Variants in FARP1 observed in about 807,000 individuals in gnomAD.
FARP1 encodes FERM, ARH/RhoGEF and pleckstrin domain protein 1, also known as FERM, ARHGEF and pleckstrin domain-containing protein 1.
Under a neutral mutation model 128.8 loss-of-function variants are expected in FARP1, and 52 were observed. The ratio of observed to expected loss-of-function variants is 0.40; its 90% CI spans 0.32 to 0.51. FARP1 has a LOEUF of 0.51. Ranked by LOEUF, FARP1 falls within the 20% of genes least tolerant of loss-of-function variation. The pLI is 0.45. For synonymous variants in FARP1, 580 were observed against 551.8 expected (o/e 1.05, Z -0.72); for missense variants, 1,333 against 1,367.9 (o/e 0.97, Z 0.40).
chr13:98,344,246 G>A lies in FARP1; in HGVS notation c.276+380G>A, dbSNP rs114335794. Among the ~76,000 whole-genome samples the A allele has an allele frequency of 5.9e-3, 898 of 152,314 alleles. 10 individuals are homozygous for A. The highest frequency in any genetic ancestry group is 0.02 in the African/African-American group (835 of 41,556). ...GTCAAGAAAGCCATCAGGATCTAGC[G>A]ATGAGTCTGGTTGGAGATGGTGCTG... On this transcript the variant is annotated intron_variant, in intron 3 of 26. Coordinates refer to ENST00000319562, the MANE Select transcript of FARP1 (RefSeq NM_005766.4).
At chr13:98,445,778 C>CATCTT (rs1892792868) in intron 24 of FARP1, 6 of 226,386 alleles carry the variant, frequency 2.7e-5, no homozygotes, top group African/African-American at 6.9e-5. Context: ...AGTGTGATCT[C>CATCTT]GTCTTCACTA....
At chr13:98,177,251 C>A in intron 1 of FARP1, 1 of 1,533,234 alleles carries the variant, frequency 6.5e-7, no homozygotes. Context: ...GAGTCTCAGG[C>A]TCCCAACGGC....
chr13:98,224,674 C>T (rs180849894), intron 2 of FARP1, among the ~76,000 whole-genome samples: 1 of 151,954 alleles, frequency 6.6e-6, no homozygotes, highest in Non-Finnish European at 1.5e-5. Flanking sequence ...CATTTGCTGA[C>T]CCCAACCAGA....
intron 4 of FARP1, among the ~76,000 whole-genome samples, chr13:98,366,553 C>T (rs1003424170): frequency 4.6e-5 from 7 of 152,190 alleles, no homozygotes; most frequent in Non-Finnish European, 8.8e-5. Flanking sequence ...ATATCTTTGG[C>T]GCAGACCTGA....
intron 24 of FARP1, among the ~76,000 whole-genome samples, chr13:98,444,013 G>A (rs1469447246): frequency 6.6e-6 from 1 of 151,930 alleles, no homozygotes; most frequent in Non-Finnish European, 1.5e-5. Context: ...GAAGCCGGAA[G>A]TCCAAAATCA....
chr13:98,428,377 A>T (rs1246194682), intron 17 of FARP1, among the ~76,000 whole-genome samples: 9 of 151,472 alleles, frequency 5.9e-5, no homozygotes, highest in Non-Finnish European at 4.4e-5. Context: ...AGCTTCTACC[A>T]CCTGTACCTC....
chr13:98,395,337 C>T lies in FARP1; in HGVS notation c.1275C>T (p.His425=). 1 of 1,610,476 alleles carries T rather than the reference C, an allele frequency of 6.2e-7. No individual in the cohort carries two copies. Among genetic ancestry groups the T allele is most frequent in the South Asian group, 1.1e-5 (1 of 91,000 alleles). Reference sequence around the variant, plus strand: ...TTTCCGCCGGGGAGCCGGGGTCGCACCCGAGCCCTGCGCCGAGGAGAAGCC... The same window carrying T: ...TTTCCGCCGGGGAGCCGGGGTCGCATCCGAGCCCTGCGCCGAGGAGAAGCC... ...PKVSAGEPGS[H]PSPAPRRSPA... is the part of the protein sequence containing the mutation. The change falls in exon 13 of 27, where the codon CAC becomes CAT. Residue 425 remains histidine (H), a synonymous_variant. Coordinates refer to ENST00000319562, the MANE Select transcript of FARP1 (RefSeq NM_005766.4).
chr13:98,431,418 G>T (rs1226055006), intron 18 of FARP1, 138 bp downstream of exon 18: 10 of 586,646 alleles, frequency 1.7e-5, no homozygotes, highest in Admixed American at 9.6e-5. Flanking sequence ...CATCAGGGTG[G>T]GCGCCGGTTT....
chr13:98,297,331 C>T (rs1207186963), intron 2 of FARP1, among the ~76,000 whole-genome samples: 4 of 152,200 alleles, frequency 2.6e-5, no homozygotes, highest in Admixed American at 6.5e-5. Context: ...TTACCTCTCT[C>T]GAAGCCATCT....
At chr13:98,233,333 T>C (rs1296121777) in intron 2 of FARP1, among the ~76,000 whole-genome samples, 1 of 152,132 alleles carries the variant, frequency 6.6e-6, no homozygotes, top group Non-Finnish European at 1.5e-5. Flanking sequence ...TGGTTAACTA[T>C]GCCCTGAATT....
intron 1 of FARP1, among the ~76,000 whole-genome samples, chr13:98,153,305 T>A (rs1594204453): frequency 2.2e-5 from 1 of 44,586 alleles, no homozygotes. Flanking sequence ...TAAATATATT[T>A]ATATATAAAA....
In FARP1 at chr13:98,448,095, G is replaced by A. The variant is rs552672648; in HGVS notation, c.3057-141G>A. On this transcript the variant is annotated intron_variant, in intron 26 of 26. Transcript: ENST00000319562. ...CCTCAGGAACGCCTGGGTGCTGGCT[G>A]TTCCCTTGCTCTTCTGCTGAAGTGG... is the stretch of plus-strand genomic sequence containing the variant. The A allele has an allele frequency of 3.5e-5, 25 of 705,130 alleles. No individual in the cohort carries two copies. The African/African-American group carries it at 3.8e-4, about 11-fold the overall frequency. The allele number at this position is 705,130 out of a possible 1,614,324, so 43.7% of individuals were successfully genotyped here.
At chr13:98,289,866 C>T (rs1029677851) in intron 2 of FARP1, among the ~76,000 whole-genome samples, 47 of 152,096 alleles carry the variant, frequency 3.1e-4, no homozygotes, top group African/African-American at 9.2e-4. Flanking sequence ...AAAATTAGCC[C>T]ATACAGAAAA....
At chr13:98,238,885 T>C (rs1412814101) in intron 2 of FARP1, among the ~76,000 whole-genome samples, 1 of 152,200 alleles carries the variant, frequency 6.6e-6, no homozygotes, top group East Asian at 1.9e-4. Context: ...TTTTTGACTG[T>C]GGAGGGGGTC....
chr13:98,200,638 A>G (rs1316398313), intron 1 of FARP1, among the ~76,000 whole-genome samples: 1 of 152,178 alleles, frequency 6.6e-6, no homozygotes, highest in African/African-American at 2.4e-5. Context: ...CTTACGCAAG[A>G]AAAGTGATGT....
intron 1 of FARP1, among the ~76,000 whole-genome samples, chr13:98,151,754 C>T (rs1443159174): frequency 7.6e-5 from 11 of 144,002 alleles, no homozygotes; most frequent in South Asian, 6.9e-4. Flanking sequence ...CTCCGCCTCC[C>T]GGGTTCAAGC....
intron 2 of FARP1, among the ~76,000 whole-genome samples, chr13:98,221,812 G>C (rs1275776531): frequency 6.6e-6 from 1 of 152,100 alleles, no homozygotes; most frequent in Non-Finnish European, 1.5e-5. Context: ...GATCCTCTAG[G>C]GTAGGTCTTC....
intron 1 of FARP1, among the ~76,000 whole-genome samples, chr13:98,156,604 T>C (rs1443171413): frequency 6.6e-6 from 1 of 152,060 alleles, no homozygotes; most frequent in Non-Finnish European, 1.5e-5. Flanking sequence ...AATGGGACTT[T>C]GCTTTGTTGC....
chr13:98,423,818 TACTC>T (rs965200948), intron 16 of FARP1, among the ~76,000 whole-genome samples: 7 of 152,198 alleles, frequency 4.6e-5, no homozygotes, highest in Admixed American at 2.6e-4. Context: ...ACTTAGTAAA[TACTC>T]ACTACCATCC....
Sources: gnomAD v4.1 joint callset for allele counts (sites outside exome capture counted in the v4.1 genomes callset) on GRCh38, gnomAD v4.1.1 for gene constraint, MANE v1.5 for transcripts, NCBI Gene and HGNC (gene_info 2026-07-23, HGNC 2026-07-21) for gene names.